Variants in SLC25A1 observed in about 807,000 individuals in gnomAD.
SLC25A1 encodes solute carrier family 25 member 1.
In SLC25A1, 26 loss-of-function variants were observed where a neutral mutation model predicts 38.1. That is an observed-to-expected ratio of 0.68 (90% CI 0.50 to 0.95). SLC25A1 has a LOEUF of 0.95. Among genes scored for constraint, SLC25A1 ranks in the 40% least tolerant of loss-of-function variants. The pLI, the probability that SLC25A1 is intolerant of heterozygous loss-of-function variation, is 0.00. For missense variants in SLC25A1, 378 were observed against 426.6 expected (o/e 0.89, Z 1.00); for synonymous variants, 211 against 183.2 (o/e 1.15, Z -1.23).
At chr22:19,177,016 TG>T (rs1284657843) in intron 5 of SLC25A1, 66 bp from the exon 6 acceptor site, 2 of 1,587,182 alleles carry the variant, frequency 1.3e-6, no homozygotes, top group Non-Finnish European at 1.7e-6. Flanking sequence ...TTGGTGTGTG[TG>T]GGGGGTGGGT....
intron 6 of SLC25A1, 70 bp downstream of exon 6, chr22:19,176,776 C>T (rs1355693867): frequency 1.3e-6 from 2 of 1,599,172 alleles, no homozygotes; most frequent in East Asian, 4.5e-5. Flanking sequence ...GCCCGCCACC[C>T]AGGGGTGGCC....
chr22:19,176,599 A>G lies in SLC25A1; in HGVS notation c.726T>C (p.Asp242=). ...AASVFGNTPL[D]VIKTRMQGLE... ...CCACCTGCATCCGGGTCTTAATCAC[A>G]TCCAGAGGAGTGTTTCCAAAGACAC... The change falls in exon 7 of 9, where the codon GAT becomes GAC. Residue 242 remains aspartate, a synonymous_variant. Coordinates refer to ENST00000215882, the MANE Select transcript of SLC25A1 (RefSeq NM_005984.5). The G allele has an allele frequency of 1.9e-6, 3 of 1,613,764 alleles. No homozygotes were observed. The highest frequency in any genetic ancestry group is 2.5e-6 in the Non-Finnish European group (3 of 1,179,918).
Position 19,178,235 on chromosome 22 carries a change from G to A in SLC25A1, c.100C>T (p.Leu34=), listed in dbSNP as rs1357423657. The A allele has an allele frequency of 1.0e-5, 16 of 1,547,800 alleles. No homozygotes were observed. The highest frequency in any genetic ancestry group is 3.4e-4 in the Middle Eastern group (2 of 5,948). The part of the protein sequence containing the change: ...HPGKAILAGG[L]AGGIEICITF... ...ATGCAGATCTCGATGCCACCCGCCA[G>A]GCCGCCTGCAGGGACCGGGAACCCG... The change falls in exon 2 of 9, where the codon CTG becomes TTG. Residue 34 remains leucine (L), a synonymous_variant. Coordinates refer to ENST00000215882, the MANE Select transcript of SLC25A1 (RefSeq NM_005984.5). This position sits in a 1 kb window ranked among gnomAD's most constrained non-coding sequence, Gnocchi z 4.9.
chr22:19,178,488 A>C lies in SLC25A1; in HGVS notation c.94+92T>G. On this transcript the variant is annotated intron_variant, in intron 1 of 8. Transcript: ENST00000215882. This position sits in a 1 kb window ranked among gnomAD's most constrained non-coding sequence, Gnocchi z 4.9. ...CCGCGCCTCCACGACTCCCCAGCCC[A>C]CGGCCCAACCCGGAAGTGGGGCGGG... is the stretch of plus-strand genomic sequence containing the variant. 1.5e-6 allele frequency: 2 copies of C among 1,334,114 alleles called. No homozygotes were observed. Among genetic ancestry groups the C allele is most frequent in the Non-Finnish European group, 1.9e-6 (2 of 1,047,146 alleles). The allele number at this position is 1,334,114 out of a possible 1,614,324, so 82.6% of individuals were successfully genotyped here. A position where few individuals can be genotyped will look rare whatever the true frequency, so the allele number is the denominator to read the frequency against.
Position 19,176,507 on chromosome 22 carries a change from TCAG to T in SLC25A1, c.748-16_748-14del. 1 of 1,613,648 alleles carries T rather than the reference TCAG, an allele frequency of 6.2e-7. No individual in the cohort carries two copies. The highest frequency in any genetic ancestry group is 8.5e-7 in the Non-Finnish European group (1 of 1,179,888). ...GCGCCTCCAGGCCCTATGGGGGACA[TCAG>T]CAGGCAGGGGCTCAGCAGCTAGCTC... On this transcript the variant is annotated splice_polypyrimidine_tract_variant and intron_variant, in intron 7 of 8. Transcript: ENST00000215882.
chr22:19,178,371 GC>G lies in SLC25A1; in HGVS notation c.95-132del. The stretch of plus-strand genomic sequence containing the variant: ...CGGGGAACATAGGCTGGGGCCCCAC[GC>G]CCCCATGCCCTCACCCCGTTGTCCC... On this transcript the variant is annotated intron_variant, in intron 1 of 8. Transcript: ENST00000215882. The surrounding 1 kb of genome is among the most constrained non-coding windows in gnomAD (Gnocchi z 4.9). 1 of 1,448,018 alleles carries G rather than the reference GC, an allele frequency of 6.9e-7. No homozygotes were observed. 89.7% of individuals were successfully genotyped at this position (1,448,018 alleles called of 1,614,324 possible).
chr22:19,175,794 G>A lies in SLC25A1; in HGVS notation c.*336C>T, dbSNP rs1167646661. On this transcript the variant is annotated 3_prime_UTR_variant, in exon 9 of 9. Coordinates refer to ENST00000215882, the MANE Select transcript of SLC25A1 (RefSeq NM_005984.5). ...GGGTGGAAGGCACCGGACTGGGACC[G>A]GGCCAGGGCTACAGGGCCGAGGACC... The A allele has an allele frequency of 3.8e-5, 7 of 183,170 alleles. No individual in the cohort carries two copies. The highest frequency in any genetic ancestry group is 9.4e-5 in the African/African-American group (3 of 31,800). The allele number at this position is 183,170 out of a possible 1,614,324, so 11.3% of individuals were successfully genotyped here.
In SLC25A1 at chr22:19,177,825, C is replaced by A; in HGVS notation, c.343G>T (p.Ala115Ser). The change falls in exon 4 of 9, where the codon GCC (alanine) becomes TCC (serine). Residue 115 changes from alanine to serine, a missense_variant. By Grantham distance (99) the Ala-to-Ser change is moderately conservative. Coordinates refer to ENST00000215882, the MANE Select transcript of SLC25A1 (RefSeq NM_005984.5). ...CGCGTGCTGTCCAGCCGTCCCTGGG[C>A]ATCCCGCATGTGGTTGCTGAGGAAC... ...FEFLSNHMRD[A>S]QGRLDSTRGL... 2 of 1,610,720 alleles carry A rather than the reference C, an allele frequency of 1.2e-6. No individual in the cohort carries two copies. The highest frequency in any genetic ancestry group is 1.7e-6 in the Non-Finnish European group (2 of 1,179,162).
Position 19,176,030 on chromosome 22 carries a change from G to C in SLC25A1, c.*100C>G, listed in dbSNP as rs1483035395. 1.1e-6 allele frequency: 1 copy of C among 927,920 alleles called. No individual in the cohort carries two copies. The highest frequency in any genetic ancestry group is 1.8e-6 in the Non-Finnish European group (1 of 568,394). The allele number at this position is 927,920 out of a possible 1,614,324, so 57.5% of individuals were successfully genotyped here. ...CCAGGCTACAGAGCTCGAGGGACGT[G>C]GGAAGGGGCCTTTTGGCACTACTGC... On this transcript the variant is annotated 3_prime_UTR_variant, in exon 9 of 9. Transcript: ENST00000215882.
chr22:19,177,674 GC>G, intron 4 of SLC25A1, 52 bp downstream of exon 4: 1 of 1,596,262 alleles, frequency 6.3e-7, no homozygotes. Flanking sequence ...CAGCGGGGCC[GC>G]CCGTCTCCGT....
In SLC25A1 at chr22:19,178,375, C is replaced by T. The variant is rs2084006694; in HGVS notation, c.95-135G>A. The T allele has an allele frequency of 2.1e-6, 3 of 1,446,912 alleles. No homozygotes were observed. Among genetic ancestry groups the T allele is most frequent in the Non-Finnish European group, 2.7e-6 (3 of 1,103,580 alleles). 89.6% of individuals were successfully genotyped at this position (1,446,912 alleles called of 1,614,324 possible). A position where few individuals can be genotyped will look rare whatever the true frequency, so the allele number is the denominator to read the frequency against. On this transcript the variant is annotated intron_variant, in intron 1 of 8. Coordinates refer to ENST00000215882, the MANE Select transcript of SLC25A1 (RefSeq NM_005984.5). This position sits in a 1 kb window ranked among gnomAD's most constrained non-coding sequence, Gnocchi z 4.9. ...GAACATAGGCTGGGGCCCCACGCCCCCATGCCCTCACCCCGTTGTCCCGGC... is the reference window on the plus strand; with the variant it reads ...GAACATAGGCTGGGGCCCCACGCCCTCATGCCCTCACCCCGTTGTCCCGGC...
intron 4 of SLC25A1, among the ~76,000 whole-genome samples, chr22:19,177,419 T>G (rs1006748280): frequency 5.3e-5 from 8 of 152,176 alleles, no homozygotes; most frequent in African/African-American, 1.7e-4. Context: ...GGCAGCCCTG[T>G]GAGCAGCCTC....
At position 19,176,110 on chromosome 22, in the gene SLC25A1, C is replaced by T. The variant is rs1320807995; in HGVS notation, c.*20G>A. 2 of 1,600,736 alleles carry T rather than the reference C, an allele frequency of 1.2e-6. No individual in the cohort carries two copies. Among genetic ancestry groups the T allele is most frequent in the Non-Finnish European group, 1.7e-6 (2 of 1,168,648 alleles). On this transcript the variant is annotated 3_prime_UTR_variant, in exon 9 of 9. Coordinates refer to ENST00000215882, the MANE Select transcript of SLC25A1 (RefSeq NM_005984.5). ...CACTCTGGCGGTGCCTGGGGCGGTC[C>T]CCTTGCGGCCTCTCTAGGCTTAGTC... is the stretch of plus-strand genomic sequence containing the variant.
In SLC25A1 at chr22:19,177,215, G is replaced by A. The variant is rs2083975072; in HGVS notation, c.442-11C>T. On this transcript the variant is annotated splice_polypyrimidine_tract_variant and intron_variant, in intron 4 of 8. Coordinates refer to ENST00000215882, the MANE Select transcript of SLC25A1 (RefSeq NM_005984.5). ...GTGGATGAACTTCACCTGAGAGAGA[G>A]AAGCAAAGGCGCAGGTTCTCGGCTG... 4.3e-6 allele frequency: 7 copies of A among 1,612,568 alleles called. No homozygotes were observed. Among genetic ancestry groups the A allele is most frequent in the Admixed American group, 1.7e-5 (1 of 59,978 alleles).
Position 19,177,711 on chromosome 22 carries a change from C to A in SLC25A1, c.441+16G>T. 6.2e-7 allele frequency: 1 copy of A among 1,605,268 alleles called. No homozygotes were observed. Among genetic ancestry groups the A allele is most frequent in the Non-Finnish European group, 8.5e-7 (1 of 1,179,396 alleles). On this transcript the variant is annotated intron_variant, in intron 4 of 8. Transcript: ENST00000215882. ...ACTCCCTGCGTGTCCGGGGTCCTCG[C>A]CAGGACCTTCCCCACCTTGATGGTC...
rs1555923433 is a variant in SLC25A1 at position 19,178,348 on chromosome 22, G to T, written c.95-108C>A. Reference sequence around the variant, plus strand: ...GCGCGGCCGCCGCGCCAGTGCCGCGGGGAACATAGGCTGGGGCCCCACGCC... The same window carrying T: ...GCGCGGCCGCCGCGCCAGTGCCGCGTGGAACATAGGCTGGGGCCCCACGCC... On this transcript the variant is annotated intron_variant, in intron 1 of 8. Transcript: ENST00000215882. This position sits in a 1 kb window ranked among gnomAD's most constrained non-coding sequence, Gnocchi z 4.9. 2.0e-6 allele frequency: 3 copies of T among 1,501,630 alleles called. No homozygotes were observed. The African/African-American group carries it at 4.3e-5, about 22-fold the overall frequency. The allele number at this position is 1,501,630 out of a possible 1,614,324, so 93.0% of individuals were successfully genotyped here. A position where few individuals can be genotyped will look rare whatever the true frequency, so the allele number is the denominator to read the frequency against.
chr22:19,177,005 A>T, intron 5 of SLC25A1, 55 bp from the exon 6 acceptor site: 4 of 1,598,694 alleles, frequency 2.5e-6, no homozygotes, highest in Non-Finnish European at 3.4e-6. Context: ...CCGGTTGGGA[A>T]TTGGTGTGTG....
chr22:19,178,206 G>T lies in SLC25A1; in HGVS notation c.129C>A (p.Thr43=). Residue 43 remains threonine (T), a synonymous_variant, in exon 2 of 9, where the codon ACC becomes ACA. Coordinates refer to ENST00000215882, the MANE Select transcript of SLC25A1 (RefSeq NM_005984.5). The surrounding 1 kb of genome is among the most constrained non-coding windows in gnomAD (Gnocchi z 4.9). ...GLAGGIEICI[T]FPTEYVKTQL... is the part of the protein sequence containing the mutation. The stretch of plus-strand genomic sequence containing the variant: ...GCGTCTTCACGTACTCGGTGGGGAA[G>T]GTGATGCAGATCTCGATGCCACCCG... 6.4e-7 allele frequency: 1 copy of T among 1,553,118 alleles called. No individual in the cohort carries two copies. Among genetic ancestry groups the T allele is most frequent in the Non-Finnish European group, 8.7e-7 (1 of 1,149,258 alleles).
chr22:19,178,337 C>T lies in SLC25A1; in HGVS notation c.95-97G>A. 1 of 1,511,374 alleles carries T rather than the reference C, an allele frequency of 6.6e-7. No homozygotes were observed. Among genetic ancestry groups the T allele is most frequent in the Non-Finnish European group, 8.8e-7 (1 of 1,131,344 alleles). The allele number at this position is 1,511,374 out of a possible 1,614,324, so 93.6% of individuals were successfully genotyped here. A position where few individuals can be genotyped will look rare whatever the true frequency, so the allele number is the denominator to read the frequency against. On this transcript the variant is annotated intron_variant, in intron 1 of 8. Transcript: ENST00000215882. This position sits in a 1 kb window ranked among gnomAD's most constrained non-coding sequence, Gnocchi z 4.9. The stretch of plus-strand genomic sequence containing the variant: ...GACTTCGGTCGGCGCGGCCGCCGCG[C>T]CAGTGCCGCGGGGAACATAGGCTGG...
Sources: allele counts gnomAD v4.1 joint callset (sites outside exome capture counted in the v4.1 genomes callset), GRCh38; gene constraint gnomAD v4.1.1; non-coding constraint Gnocchi (gnomAD v3.1); transcripts MANE v1.5; gene names NCBI Gene and HGNC (gene_info 2026-07-23, HGNC 2026-07-21).